The following C3orf70 variants were observed in gnomAD, a reference collection of about 807,000 sequenced individuals.
The protein encoded by C3orf70 is UPF0524 protein C3orf70.
A neutral mutation model predicts 20.7 loss-of-function variants in C3orf70; 15 were observed. That is an observed-to-expected ratio of 0.72 (90% confidence interval 0.48 to 1.11). C3orf70 has a LOEUF of 1.11. Ranked by LOEUF, C3orf70 falls within the 50% of genes most tolerant of loss-of-function variation. The probability of loss-of-function intolerance (pLI) is 0.00; values close to 1 mark genes in which losing one functional copy is unlikely to be tolerated. For synonymous variants in C3orf70, 161 were observed against 125.7 expected (o/e 1.28, Z -1.88); for missense variants, 332 against 317.6 (o/e 1.05, Z -0.34).
intron 1 of C3orf70, among the ~76,000 whole-genome samples, chr3:185,128,701 T>G (rs768083549): frequency 6.6e-6 from 1 of 152,248 alleles, no homozygotes; most frequent in Non-Finnish European, 1.5e-5. Context: ...TTTCCTCATT[T>G]TATGTAAAAC....
At chr3:185,091,609 C>A (rs1298982811) in intron 1 of C3orf70, among the ~76,000 whole-genome samples, 1 of 151,568 alleles carries the variant, frequency 6.6e-6, no homozygotes, top group African/African-American at 2.4e-5. Context: ...GGTGGCAGAG[C>A]CCAGGGGAGT....
rs202204352 is a variant in C3orf70, at chr3:185,083,261, C to T, written c.499G>A (p.Ala167Thr). 1.2e-6 allele frequency: 2 copies of T among 1,614,184 alleles called. No individual in the cohort carries two copies. The highest frequency in any genetic ancestry group is 1.7e-5 in the Admixed American group (1 of 60,010). The change falls in exon 2 of 2, where the codon GCC (alanine) becomes ACC (threonine). Residue 167 changes from alanine (A) to threonine (T), a missense_variant. Coordinates refer to ENST00000335012, the MANE Select transcript of C3orf70 (RefSeq NM_001025266.3). Reference sequence around the variant, plus strand: ...GTATTGCTCTCTTTTGAAATTAAGGCATCGTGTGCAGAGACCTCCTCAGGG... The same window carrying T: ...GTATTGCTCTCTTTTGAAATTAAGGTATCGTGTGCAGAGACCTCCTCAGGG... ...MSPEEVSAHD[A>T]LISKESNTPK...
At position 185,152,951 on chromosome 3, in the gene C3orf70, C is replaced by G; in HGVS notation, c.-128G>C. 1 of 835,554 alleles carries G rather than the reference C, an allele frequency of 1.2e-6. No homozygotes were observed. Among genetic ancestry groups the G allele is most frequent in the Non-Finnish European group, 1.6e-6 (1 of 627,570 alleles). The allele number at this position is 835,554 out of a possible 1,614,324, so 51.8% of individuals were successfully genotyped here. On this transcript the variant is annotated 5_prime_UTR_variant, in exon 1 of 2. Transcript: ENST00000335012. ...GGCCGGGAGTCACGCCAGCACGCGG[C>G]GGCGGCGGGAGCGCGGCGGTCCCAG...
At chr3:185,144,574 C>T (rs1716818016) in intron 1 of C3orf70, among the ~76,000 whole-genome samples, 1 of 152,222 alleles carries the variant, frequency 6.6e-6, no homozygotes, top group African/African-American at 2.4e-5. Flanking sequence ...CAGGTTCAAG[C>T]AATTCTTGTG....
At chr3:185,152,561 ACCCCGGACGGCCCGGCGGGCGT>A in intron 1 of C3orf70, 45 bp downstream of exon 1, 2 of 1,432,518 alleles carry the variant, frequency 1.4e-6, no homozygotes, top group Non-Finnish European at 9.4e-7. Flanking sequence ...TCCGGCAGCG[ACCCCGGACGGCCCGGCGGGCGT>A]CCCCCGGACC....
At chr3:185,119,506 AAC>A (rs1363582940) in intron 1 of C3orf70, among the ~76,000 whole-genome samples, 1 of 151,408 alleles carries the variant, frequency 6.6e-6, no homozygotes, top group Admixed American at 6.6e-5. Flanking sequence ...CAGCCATTTT[AAC>A]AGAGCTTAAA....
intron 1 of C3orf70, among the ~76,000 whole-genome samples, chr3:185,091,928 TATATATATATATATATATATATATATA>T (rs1715586695): frequency 2.4e-4 from 1 of 4,168 alleles, no homozygotes; most frequent in African/African-American, 1.3e-3. Context: ...TATATATATA[TATATATATATATATATATATATATATA>T]TATATATATT....
chr3:185,146,126 C>G (rs1050310354), intron 1 of C3orf70, among the ~76,000 whole-genome samples: 9 of 152,056 alleles, frequency 5.9e-5, no homozygotes, highest in Non-Finnish European at 1.2e-4. Flanking sequence ...CTGGAAGAAC[C>G]TATCAGCTTT....
chr3:185,112,669 C>T lies in C3orf70; in HGVS notation c.197-29106G>A, dbSNP rs539686825. Among the ~76,000 whole-genome samples the T allele has an allele frequency of 5.6e-4, 85 of 152,276 alleles. No homozygotes were observed. The South Asian group carries it at 0.017, about 30-fold the overall frequency. ...AAGGTATATAAGTTATTTTTGTACT[C>T]TATGTACTTCATGTACCCACCATCT... On this transcript the variant is annotated intron_variant, in intron 1 of 1. Transcript: ENST00000335012.
In C3orf70 at chr3:185,151,122, G is replaced by A. The variant is rs1197797900; in HGVS notation, c.196+1506C>T. The stretch of plus-strand genomic sequence containing the variant: ...AAGGCAGAAATAGGAGCAGAAGAAA[G>A]AAGTTAGAAAGTAACTGATTTCAGC... On this transcript the variant is annotated intron_variant, in intron 1 of 1. Coordinates refer to ENST00000335012, the MANE Select transcript of C3orf70 (RefSeq NM_001025266.3). Among the ~76,000 whole-genome samples the A allele has an allele frequency of 2.0e-5, 3 of 152,230 alleles. No individual in the cohort carries two copies. The East Asian group carries it at 5.8e-4, about 29-fold the overall frequency.
At chr3:185,089,656 A>T (rs1437589549) in intron 1 of C3orf70, among the ~76,000 whole-genome samples, 6 of 152,240 alleles carry the variant, frequency 3.9e-5, no homozygotes, top group African/African-American at 1.2e-4. Context: ...TAAAAATAAT[A>T]TAAAAATATC....
At chr3:185,129,874 A>C (rs752307935) in intron 1 of C3orf70, among the ~76,000 whole-genome samples, 71 of 152,260 alleles carry the variant, frequency 4.7e-4, no homozygotes, top group Non-Finnish European at 8.5e-4. Flanking sequence ...CCTATATTAC[A>C]ATAAACAGAC....
At chr3:185,089,046 C>CT (rs1214392194) in intron 1 of C3orf70, among the ~76,000 whole-genome samples, 1 of 152,170 alleles carries the variant, frequency 6.6e-6, no homozygotes, top group Non-Finnish European at 1.5e-5. Flanking sequence ...TAAAATAACT[C>CT]TAAGAGATTC....
Position 185,094,074 on chromosome 3 carries a change from G to GTTTT in C3orf70, c.197-10515_197-10512dup, listed in dbSNP as rs71162282. Among the ~76,000 whole-genome samples the GTTTT allele has an allele frequency of 8.6e-3, 690 of 80,652 alleles. 9 individuals are homozygous for GTTTT. The highest frequency in any genetic ancestry group is 0.021 in the Middle Eastern group (2 of 94). The allele number at this position is 80,652 out of a possible 152,430, so 52.9% of individuals were successfully genotyped here. A position where few individuals can be genotyped will look rare whatever the true frequency, so the allele number is the denominator to read the frequency against. On this transcript the variant is annotated intron_variant, in intron 1 of 1. Coordinates refer to ENST00000335012, the MANE Select transcript of C3orf70 (RefSeq NM_001025266.3). ...GGTTTGTAATGAGTTATACCCTGGG[G>GTTTT]TTTTTTTTTTTTTTTTTTTTTTTGA...
rs1715284467 is a variant in C3orf70 at position 185,079,496 on chromosome 3, A to T, written c.*3511T>A. On this transcript the variant is annotated 3_prime_UTR_variant, in exon 2 of 2. Transcript: ENST00000335012. ...TCCTCAGATTCTTATTTCATATCTT[A>T]AAAATGACATAGTAAAAAAGACCTA... 6.6e-6 allele frequency: 1 copy of T among 152,140 alleles called. No homozygotes were observed. The highest frequency in any genetic ancestry group is 6.5e-5 in the Admixed American group (1 of 15,276). The allele number at this position is 152,140 out of a possible 1,614,324, so 9.4% of individuals were successfully genotyped here.
intron 1 of C3orf70, among the ~76,000 whole-genome samples, chr3:185,142,568 C>A (rs184285593): frequency 6.6e-6 from 1 of 152,132 alleles, no homozygotes; most frequent in Admixed American, 6.5e-5. Flanking sequence ...CAACCACCAG[C>A]GTAGTAAGTG....
chr3:185,108,666 T>C (rs1325786322), intron 1 of C3orf70, among the ~76,000 whole-genome samples: 1 of 152,238 alleles, frequency 6.6e-6, no homozygotes. Flanking sequence ...CAAACACAGA[T>C]ACAGCATTAC....
chr3:185,147,316 C>T (rs1326455593), intron 1 of C3orf70, among the ~76,000 whole-genome samples: 1 of 152,206 alleles, frequency 6.6e-6, no homozygotes, highest in Non-Finnish European at 1.5e-5. Context: ...CCCCACCTGT[C>T]ACCTTCTAAT....
Position 185,082,905 on chromosome 3 carries a change from G to A in C3orf70, c.*102C>T, listed in dbSNP as rs1228324044. 23 of 1,178,334 alleles carry A rather than the reference G, an allele frequency of 2.0e-5. No homozygotes were observed. The highest frequency in any genetic ancestry group is 1.1e-4 in the African/African-American group (7 of 65,500). The allele number at this position is 1,178,334 out of a possible 1,614,324, so 73.0% of individuals were successfully genotyped here. On this transcript the variant is annotated 3_prime_UTR_variant, in exon 2 of 2. Transcript: ENST00000335012. ...CTACGGTTGTTGGTTGGAGCGGGGCGGGGTGGGTAGAAAATATCAACAGCA... is the reference window on the plus strand; with the variant it reads ...CTACGGTTGTTGGTTGGAGCGGGGCAGGGTGGGTAGAAAATATCAACAGCA...
Sources: allele counts gnomAD v4.1 joint callset (sites outside exome capture counted in the v4.1 genomes callset), GRCh38; gene constraint gnomAD v4.1.1; transcripts MANE v1.5; gene names NCBI Gene and HGNC (gene_info 2026-07-23, HGNC 2026-07-21).